The following ULK4 variants were observed in gnomAD, a reference collection of about 807,000 sequenced individuals.
ULK4 encodes the protein inactive serine/threonine-protein kinase ULK4.
In ULK4, 133 loss-of-function variants were observed where a neutral mutation model predicts 160.6. The observed-to-expected ratio is 0.83, with a 90% CI of 0.72 to 0.96. The LOEUF (loss-of-function observed/expected upper bound fraction) is 0.96. Ranked by LOEUF, ULK4 falls within the 40% of genes least tolerant of loss-of-function variation. The pLI is 0.00. For synonymous variants in ULK4, 534 were observed against 539.8 expected, an observed-to-expected ratio of 0.99 and a Z score of 0.15; for missense variants, 1,580 against 1,499.5, an observed-to-expected ratio of 1.05 and a Z score of -0.89.
intron 30 of ULK4, among the ~76,000 whole-genome samples, chr3:41,616,708 G>C (rs1051756777): frequency 6.6e-6 from 1 of 152,190 alleles, no homozygotes; most frequent in East Asian, 1.9e-4. Context: ...GAGGCTGTTT[G>C]GGCATTCACC....
At chr3:41,247,927 G>A (rs773154308) in intron 36 of ULK4, among the ~76,000 whole-genome samples, 27 of 152,190 alleles carry the variant, frequency 1.8e-4, no homozygotes, top group Non-Finnish European at 3.8e-4. Flanking sequence ...AAGTCCAAAC[G>A]AGAACTTTGC....
chr3:41,910,072 T>C (rs1361850870), intron 11 of ULK4, among the ~76,000 whole-genome samples: 1 of 152,062 alleles, frequency 6.6e-6, no homozygotes, highest in Non-Finnish European at 1.5e-5. Context: ...AATTTTTTTT[T>C]CTTAGCAGAG....
At chr3:41,544,238 T>G (rs1411863473) in intron 32 of ULK4, among the ~76,000 whole-genome samples, 2 of 152,228 alleles carry the variant, frequency 1.3e-5, no homozygotes, top group East Asian at 3.8e-4. Context: ...GCTAATATTA[T>G]AAAGTCTATA....
At chr3:41,292,374 C>T (rs559063708) in intron 35 of ULK4, among the ~76,000 whole-genome samples, 68 of 152,322 alleles carry the variant, frequency 4.5e-4, no homozygotes, top group African/African-American at 1.5e-3. Context: ...GTTCAAGCCT[C>T]TGGGTCCAGT....
chr3:41,961,263 T>G (rs772547136), intron 1 of ULK4, among the ~76,000 whole-genome samples: 19 of 152,052 alleles, frequency 1.2e-4, no homozygotes, highest in Non-Finnish European at 2.8e-4. Context: ...CAATCATGAC[T>G]CCCGCACCAG....
chr3:41,743,175 C>A (rs949812908), intron 22 of ULK4, among the ~76,000 whole-genome samples: 1 of 151,744 alleles, frequency 6.6e-6, no homozygotes, highest in African/African-American at 2.4e-5. Flanking sequence ...AGATATATCA[C>A]AATTAAACTT....
chr3:41,958,517 C>G (rs1205370102), intron 1 of ULK4, among the ~76,000 whole-genome samples: 3 of 146,528 alleles, frequency 2.0e-5, no homozygotes, highest in Non-Finnish European at 4.5e-5. Flanking sequence ...GGCTGGCCAA[C>G]ATGGTGAAAC....
intron 34 of ULK4, among the ~76,000 whole-genome samples, chr3:41,434,088 G>A (rs1390230583): frequency 2.0e-5 from 3 of 152,072 alleles, no homozygotes; most frequent in African/African-American, 7.2e-5. Flanking sequence ...AATGTGACAG[G>A]TCACAATCAA....
intron 34 of ULK4, among the ~76,000 whole-genome samples, chr3:41,441,632 A>C (rs1279977044): frequency 6.6e-6 from 1 of 152,086 alleles, no homozygotes; most frequent in African/African-American, 2.4e-5. Flanking sequence ...ATATCTTGGT[A>C]AAATGTTCAG....
At chr3:41,839,154 C>A (rs1427330058) in intron 17 of ULK4, among the ~76,000 whole-genome samples, 1 of 151,886 alleles carries the variant, frequency 6.6e-6, no homozygotes, top group African/African-American at 2.4e-5. Context: ...CAGAGACCAG[C>A]CTGACCAACA....
chr3:41,552,718 T>C (rs1253022425), intron 32 of ULK4, among the ~76,000 whole-genome samples: 1 of 134,652 alleles, frequency 7.4e-6, no homozygotes, highest in Non-Finnish European at 1.6e-5. Flanking sequence ...ACTGATGCTA[T>C]TTTTTACAGA....
chr3:41,514,460 T>A (rs781231358), intron 32 of ULK4, among the ~76,000 whole-genome samples: 4 of 152,138 alleles, frequency 2.6e-5, no homozygotes, highest in Non-Finnish European at 5.9e-5. Context: ...ACCACAGCAA[T>A]CTTCTGGGTG....
chr3:41,757,727 G>C (rs1459910876), intron 21 of ULK4, among the ~76,000 whole-genome samples: 1 of 151,436 alleles, frequency 6.6e-6, no homozygotes, highest in South Asian at 2.1e-4. Context: ...TCCCCTTCCT[G>C]GGTTCAAGTG....
chr3:41,660,435 G>C (rs1473749739), intron 30 of ULK4, among the ~76,000 whole-genome samples: 1 of 152,194 alleles, frequency 6.6e-6, no homozygotes, highest in African/African-American at 2.4e-5. Context: ...AGACTTCTCA[G>C]TATCTACCTT....
chr3:41,617,142 C>T (rs932295002), intron 30 of ULK4, among the ~76,000 whole-genome samples: 1 of 152,216 alleles, frequency 6.6e-6, no homozygotes, highest in Non-Finnish European at 1.5e-5. Context: ...CTGGGACAGA[C>T]CACCTGGGGG....
chr3:41,840,497 T>A (rs1210586877), intron 17 of ULK4, among the ~76,000 whole-genome samples: 1 of 152,228 alleles, frequency 6.6e-6, no homozygotes, highest in Non-Finnish European at 1.5e-5. Context: ...TGCCTTGGCC[T>A]GCCGAGTGCC....
chr3:41,624,649 T>G (rs1048594281), intron 30 of ULK4, among the ~76,000 whole-genome samples: 3 of 152,052 alleles, frequency 2.0e-5, no homozygotes, highest in South Asian at 4.2e-4. Context: ...AAACATAATT[T>G]AGAGCTACAT....
At chr3:41,340,097 T>A (rs2080650035) in intron 35 of ULK4, among the ~76,000 whole-genome samples, 1 of 152,262 alleles carries the variant, frequency 6.6e-6, no homozygotes, top group African/African-American at 2.4e-5. Flanking sequence ...ATTTGCATAA[T>A]TAAATTGCTG....
chr3:41,935,736 T>C, intron 4 of ULK4, 65 bp downstream of exon 4: 1 of 1,512,198 alleles, frequency 6.6e-7, no homozygotes. Context: ...AATAACAACA[T>C]CTTTGAGAAA....
Sources: gnomAD v4.1 joint callset for allele counts (sites outside exome capture counted in the v4.1 genomes callset) on GRCh38, gnomAD v4.1.1 for gene constraint, MANE v1.5 for transcripts, NCBI Gene and HGNC (gene_info 2026-07-23, HGNC 2026-07-21) for gene names.